SVIL: variants seen among roughly 807,000 people sequenced by gnomAD.
The protein encoded by SVIL is archvillin.
In SVIL, 101 loss-of-function variants were observed where a neutral mutation model predicts 240.4. The observed-to-expected ratio is 0.42, with a 90% confidence interval of 0.36 to 0.50. The LOEUF (loss-of-function observed/expected upper bound fraction) is 0.50. Among genes scored for constraint, SVIL ranks in the 20% least tolerant of loss-of-function variants. The pLI, the probability that SVIL is intolerant of heterozygous loss-of-function variation, is 0.01. For synonymous variants in SVIL, 999 were observed against 1,100.0 expected (o/e 0.91, Z 1.82); for missense variants, 2,512 against 2,818.7 (o/e 0.89, Z 2.46).
chr10:29,612,822 G>T (rs758358773), intron 1 of SVIL, among the ~76,000 whole-genome samples: 4 of 152,170 alleles, frequency 2.6e-5, no homozygotes, highest in Non-Finnish European at 4.4e-5. Flanking sequence ...TGTTCACAAA[G>T]CCCCATGCTG....
chr10:29,616,778 A>G (rs1457967387), intron 1 of SVIL, among the ~76,000 whole-genome samples: 1 of 152,148 alleles, frequency 6.6e-6, no homozygotes, highest in Non-Finnish European at 1.5e-5. Context: ...GCTGGAGTGC[A>G]GTGGCGTGAT....
At chr10:29,541,246 C>A (rs1952130802) in intron 6 of SVIL, among the ~76,000 whole-genome samples, 1 of 152,138 alleles carries the variant, frequency 6.6e-6, no homozygotes, top group Admixed American at 6.5e-5. Flanking sequence ...TTGCTTTATA[C>A]AACATAATGA....
rs1489217333 is a variant in SVIL, at chr10:29,457,570, GAGATATTAAGGT to G, written c.*665_*676del. 5.2e-5 allele frequency: 8 copies of G among 152,592 alleles called. No individual in the cohort carries two copies. The East Asian group carries it at 1.5e-3, about 29-fold the overall frequency. 9.5% of individuals were successfully genotyped at this position (152,592 alleles called of 1,614,324 possible). On this transcript the variant is annotated 3_prime_UTR_variant, in exon 38 of 38. Transcript: ENST00000355867. Reference sequence around the variant, plus strand: ...AAACAAGGCACTATACATTTTTGGGGAGATATTAAGGTAGAAAGGTTGATTCGCATAGATTCT... The same window carrying G: ...AAACAAGGCACTATACATTTTTGGGGAGAAAGGTTGATTCGCATAGATTCT...
chr10:29,522,463 C>A lies in SVIL; in HGVS notation c.3336G>T (p.Pro1112=), dbSNP rs146267453. 4,105 of 1,614,176 alleles carry A rather than the reference C, an allele frequency of 2.5e-3. 10 individuals carry two copies. Among genetic ancestry groups the A allele is most frequent in the Non-Finnish European group, 3.2e-3 (3,785 of 1,180,022 alleles). The change falls in exon 16 of 38, where the codon CCG becomes CCT. Residue 1112 remains proline, a synonymous_variant. Transcript: ENST00000355867. The part of the protein sequence containing the change: ...AMFAAGEIKT[P]TGEGLLDSPS... ...GTGAGTCAAGAAGGCCCTCCCCTGT[C>A]GGCGTTTTGATCTCTCCAGCAGCAA...
intron 2 of SVIL, among the ~76,000 whole-genome samples, chr10:29,670,490 G>T (rs972735807): frequency 2.0e-5 from 3 of 152,218 alleles, no homozygotes; most frequent in African/African-American, 7.2e-5. Flanking sequence ...TGATACAAAG[G>T]CTTAGTCTGA....
intron 1 of SVIL, among the ~76,000 whole-genome samples, chr10:29,695,202 G>C (rs892115350): frequency 2.0e-5 from 3 of 152,146 alleles, no homozygotes; most frequent in Non-Finnish European, 4.4e-5. Flanking sequence ...TGGAATGTAC[G>C]AGCTGCTTAT....
intron 27 of SVIL, chr10:29,483,180 A>G (rs537083289): frequency 1.3e-5 from 2 of 152,344 alleles, no homozygotes; most frequent in Non-Finnish European, 2.9e-5. Context: ...GCTTGCTAAG[A>G]TGATGATTGA....
chr10:29,500,417 G>T (rs1948787800), intron 17 of SVIL, among the ~76,000 whole-genome samples: 1 of 152,160 alleles, frequency 6.6e-6, no homozygotes, highest in African/African-American at 2.4e-5. Context: ...CCCCTCCAGA[G>T]CAGAAGGCAC....
chr10:29,655,191 G>A (rs1042062609), intron 3 of SVIL, among the ~76,000 whole-genome samples: 1 of 152,172 alleles, frequency 6.6e-6, no homozygotes, highest in African/African-American at 2.4e-5. Flanking sequence ...CAATTACAAG[G>A]TAAGTCCCAT....
chr10:29,624,182 A>AC (rs1554880142), intron 1 of SVIL, among the ~76,000 whole-genome samples: 8 of 149,302 alleles, frequency 5.4e-5, no homozygotes, highest in East Asian at 2.0e-4. Context: ...AAAAAAAAAA[A>AC]CCCCTAGCAT....
At chr10:29,530,885 A>G (rs529870679) in intron 10 of SVIL, among the ~76,000 whole-genome samples, 2 of 152,364 alleles carry the variant, frequency 1.3e-5, no homozygotes, top group Admixed American at 1.3e-4. Flanking sequence ...AAACCAAAGC[A>G]AACTCTGTCC....
chr10:29,595,156 G>A (rs1490349960), intron 1 of SVIL, among the ~76,000 whole-genome samples: 1 of 152,202 alleles, frequency 6.6e-6, no homozygotes, highest in African/African-American at 2.4e-5. Context: ...TAGCAGTCCC[G>A]CCTCTGTTCT....
At chr10:29,723,311 C>T (rs1006021496) in intron 1 of SVIL, among the ~76,000 whole-genome samples, 9 of 152,222 alleles carry the variant, frequency 5.9e-5, no homozygotes, top group Non-Finnish European at 1.3e-4. Context: ...GCCCAGGAGG[C>T]AGAGGTTGCA....
chr10:29,480,457 G>T, intron 29 of SVIL, 80 bp downstream of exon 29: 2 of 1,553,296 alleles, frequency 1.3e-6, no homozygotes, highest in Non-Finnish European at 1.8e-6. Context: ...GGCATGACAG[G>T]GTTCATTGGA....
At chr10:29,681,409 G>GTGTGTGTGTGTA (rs1382974831) in intron 2 of SVIL, among the ~76,000 whole-genome samples, 2 of 137,582 alleles carry the variant, frequency 1.5e-5, no homozygotes, top group Admixed American at 7.0e-5. Context: ...ATGGAATGGT[G>GTGTGTGTGTGTA]TGTGTGTGTG....
At chr10:29,712,539 A>AG (rs1401388679) in intron 1 of SVIL, among the ~76,000 whole-genome samples, 2 of 152,200 alleles carry the variant, frequency 1.3e-5, no homozygotes, top group African/African-American at 4.8e-5. Context: ...CCAGATGCCC[A>AG]ATCTTCCAGC....
intron 1 of SVIL, among the ~76,000 whole-genome samples, chr10:29,697,058 GT>G (rs1962124202): frequency 2.3e-5 from 3 of 129,618 alleles, no homozygotes; most frequent in Non-Finnish European, 3.3e-5. Context: ...CGTCCGGGAG[GT>G]GAGGGGCGCC....
intron 8 of SVIL, 89 bp downstream of exon 8, chr10:29,532,440 A>G (rs1482628329): frequency 6.0e-6 from 9 of 1,500,530 alleles, no homozygotes; most frequent in Non-Finnish European, 8.0e-6. Context: ...ATATGATTCA[A>G]TGCAGAACAC....
intron 30 of SVIL, chr10:29,473,472 A>G (rs1945820471): frequency 3.9e-6 from 1 of 254,772 alleles, no homozygotes; most frequent in Non-Finnish European, 7.5e-6. Context: ...CCCTGGATCC[A>G]TTCTTTAAAA....
Sources: gnomAD v4.1 joint callset for allele counts (sites outside exome capture counted in the v4.1 genomes callset) on GRCh38, gnomAD v4.1.1 for gene constraint, MANE v1.5 for transcripts, NCBI Gene and HGNC (gene_info 2026-07-23, HGNC 2026-07-21) for gene names.